NR1I2: variants seen among roughly 807,000 people sequenced by gnomAD.
NR1I2 encodes orphan nuclear receptor PAR1.
A neutral mutation model predicts 43.3 loss-of-function variants in NR1I2; 42 were observed. The ratio of observed to expected loss-of-function variants is 0.97; its 90% CI spans 0.76 to 1.26. The LOEUF (loss-of-function observed/expected upper bound fraction) is 1.26. Among genes scored for constraint, NR1I2 ranks in the 50% most tolerant of loss-of-function variants. The pLI is 0.00. For synonymous variants in NR1I2, 229 were observed against 215.0 expected, an observed-to-expected ratio of 1.06 and a Z score of -0.57; for missense variants, 559 against 566.7, an observed-to-expected ratio of 0.99 and a Z score of 0.14.
In NR1I2 at chr3:119,810,134, C is replaced by A. The variant is rs150019952; in HGVS notation, c.271C>A (p.Arg91=). The change falls in exon 3 of 9, where the codon CGG becomes AGG. Residue 91 remains arginine (R), a synonymous_variant. Transcript: ENST00000393716. ...CGCCTGCGAGATCACCCGGAAGACC[C>A]GGCGACAGTGCCAGGCCTGCCGCCT... 1.6e-4 allele frequency: 252 copies of A among 1,613,354 alleles called. No homozygotes were observed. The Middle Eastern group carries it at 1.8e-3, about 12-fold the overall frequency.
chr3:119,788,888 CT>C (rs2054881100), intron 1 of NR1I2, among the ~76,000 whole-genome samples: 1 of 152,156 alleles, frequency 6.6e-6, no homozygotes, highest in African/African-American at 2.4e-5. Context: ...AATTTTCTGT[CT>C]GGTTAGTTGG....
chr3:119,791,884 T>C, intron 1 of NR1I2: 4 of 608,412 alleles, frequency 6.6e-6, no homozygotes, highest in Non-Finnish European at 1.3e-5. Context: ...GCAGAAGGCA[T>C]GGTGAACTCT....
chr3:119,802,892 G>A (rs146168712), intron 1 of NR1I2: 487 of 456,664 alleles, frequency 1.1e-3, no homozygotes, highest in African/African-American at 9.0e-3. Context: ...GAATAAATGA[G>A]TGCCATGTTC....
intron 1 of NR1I2, among the ~76,000 whole-genome samples, chr3:119,787,657 A>ATGTG (rs3030846): frequency 4.0e-4 from 52 of 128,512 alleles, no homozygotes; most frequent in African/African-American, 1.3e-3. Flanking sequence ...TGCTATTAAT[A>ATGTG]TGTGTGTGTG....
chr3:119,805,717 C>CCCCCCAA (rs561350711), intron 1 of NR1I2, among the ~76,000 whole-genome samples: 3 of 96,622 alleles, frequency 3.1e-5, no homozygotes, highest in African/African-American at 7.8e-5. Flanking sequence ...TCCCCCCCAC[C>CCCCCCAA]AAAAAAAAAA....
chr3:119,811,072 A>G lies in NR1I2; in HGVS notation c.332-467A>G, dbSNP rs144075727. On this transcript the variant is annotated intron_variant, in intron 3 of 8. Transcript: ENST00000393716. The stretch of plus-strand genomic sequence containing the variant: ...TAATTGTAGATGCCATTTACTGAAC[A>G]TCTCTTATGTACCAGGAACTATATT... 227 of 157,204 alleles carry G rather than the reference A, an allele frequency of 1.4e-3. 2 individuals are homozygous for G. Among genetic ancestry groups the G allele is most frequent in the African/African-American group, 4.3e-3 (179 of 41,610 alleles). The allele number at this position is 157,204 out of a possible 1,614,324, so 9.7% of individuals were successfully genotyped here. A position where few individuals can be genotyped will look rare whatever the true frequency, so the allele number is the denominator to read the frequency against.
rs1323369621 is a variant in NR1I2 at position 119,814,990 on chromosome 3, T to A, written c.806T>A (p.Ile269Asn). The A allele has an allele frequency of 1.2e-6, 2 of 1,614,000 alleles. No homozygotes were observed. The highest frequency in any genetic ancestry group is 1.3e-5 in the African/African-American group (1 of 74,892). ...ATCCTTGCTGCCAGGGACTTGCCCA[T>A]CGAGGACCAGATCTCCCTGCTGAAG... Residue 269 changes from isoleucine (I) to asparagine (N), a missense_variant, in exon 6 of 9, where the codon ATC becomes AAC. Coordinates refer to ENST00000393716, the MANE Select transcript of NR1I2 (RefSeq NM_003889.4).
At chr3:119,796,518 T>C (rs2055001656) in intron 1 of NR1I2, among the ~76,000 whole-genome samples, 2 of 152,222 alleles carry the variant, frequency 1.3e-5, no homozygotes, top group South Asian at 4.1e-4. Context: ...CTCTCCCCTT[T>C]TCCCTTCCCT....
At chr3:119,812,632 T>A in intron 4 of NR1I2, 54 bp from the exon 5 acceptor site, 4 of 1,608,996 alleles carry the variant, frequency 2.5e-6, no homozygotes, top group Non-Finnish European at 3.4e-6. Flanking sequence ...TTGGGACCTG[T>A]CTATGAAAGC....
rs1491183530 is a variant in NR1I2, at chr3:119,805,715, ACC to A, written c.-22-1513_-22-1512del. 3.4e-4 allele frequency among the ~76,000 whole-genome samples: 29 copies of A among 86,086 alleles called. 7 individuals carry two copies. The highest frequency in any genetic ancestry group is 1.4e-3 in the South Asian group (3 of 2,166). The allele number at this position is 86,086 out of a possible 152,430, so 56.5% of individuals were successfully genotyped here. A position where few individuals can be genotyped will look rare whatever the true frequency, so the allele number is the denominator to read the frequency against. On this transcript the variant is annotated intron_variant, in intron 1 of 8. Transcript: ENST00000393716. ...AAGACTTGGTCCCCCCCTCCCCCCC[ACC>A]AAAAAAAAAAGAAAAGAAAAGAAAA...
In NR1I2 at chr3:119,802,764, G is replaced by A. The variant is rs566393360; in HGVS notation, c.-22-4465G>A. ...GGTTATGTAAAGTCCCTGGGTTTTT[G>A]TCATAAGAGTGACTTCCAAGTTATT... is the stretch of plus-strand genomic sequence containing the variant. On this transcript the variant is annotated intron_variant, in intron 1 of 8. Coordinates refer to ENST00000393716, the MANE Select transcript of NR1I2 (RefSeq NM_003889.4). Among the ~76,000 whole-genome samples, 197 of 152,136 alleles carry A rather than the reference G, an allele frequency of 1.3e-3. 2 individuals carry two copies. The highest frequency in any genetic ancestry group is 1.0e-3 in the Non-Finnish European group (70 of 68,024).
At chr3:119,789,451 G>A (rs1018133786) in intron 1 of NR1I2, among the ~76,000 whole-genome samples, 7 of 152,126 alleles carry the variant, frequency 4.6e-5, no homozygotes, top group East Asian at 3.9e-4. Context: ...AGAACCAAGC[G>A]AAAGGGGTTT....
chr3:119,796,954 C>T (rs1293029489), intron 1 of NR1I2, among the ~76,000 whole-genome samples: 1 of 152,204 alleles, frequency 6.6e-6, no homozygotes, highest in Non-Finnish European at 1.5e-5. Context: ...GTGGCAAGGG[C>T]TAGGACATGG....
At position 119,815,396 on chromosome 3, in the gene NR1I2, G is replaced by A. The variant is rs750677170; in HGVS notation, c.1011G>A (p.Glu337=). Reference sequence around the variant, plus strand: ...TGCTGAAGAAGCTGCAGCTGCATGAGGAGGAGTATGTGCTGATGCAGGCCA... The same window carrying A: ...TGCTGAAGAAGCTGCAGCTGCATGAAGAGGAGTATGTGCTGATGCAGGCCA... Residue 337 remains glutamate (E), a synonymous_variant, in exon 7 of 9, where the codon GAG becomes GAA. Coordinates refer to ENST00000393716, the MANE Select transcript of NR1I2 (RefSeq NM_003889.4). The A allele has an allele frequency of 1.2e-6, 2 of 1,613,488 alleles. No individual in the cohort carries two copies. The highest frequency in any genetic ancestry group is 1.7e-6 in the Non-Finnish European group (2 of 1,179,996).
chr3:119,789,403 C>A (rs760299776), intron 1 of NR1I2, among the ~76,000 whole-genome samples: 1 of 152,118 alleles, frequency 6.6e-6, no homozygotes, highest in Admixed American at 6.6e-5. Flanking sequence ...GGAAGGCAAA[C>A]GGCATGTCTT....
Position 119,797,257 on chromosome 3 carries a change from A to G in NR1I2, c.-22-9972A>G, listed in dbSNP as rs1268602965. 5.3e-5 allele frequency among the ~76,000 whole-genome samples: 8 copies of G among 149,566 alleles called. No individual in the cohort carries two copies. The South Asian group carries it at 8.4e-4, about 16-fold the overall frequency. On this transcript the variant is annotated intron_variant, in intron 1 of 8. Coordinates refer to ENST00000393716, the MANE Select transcript of NR1I2 (RefSeq NM_003889.4). ...TATGAAGTCCTAATGCTCCTCCATT[A>G]CCCCCAAACAAACACAGGGGATCTT...
At chr3:119,797,183 GAT>G (rs2055011900) in intron 1 of NR1I2, among the ~76,000 whole-genome samples, 1 of 30,080 alleles carries the variant, frequency 3.3e-5, no homozygotes, top group African/African-American at 1.0e-4. Context: ...ACTGCACAAA[GAT>G]ATGTGTGTGT....
At chr3:119,816,431 G>T (rs1193944129) in intron 8 of NR1I2, among the ~76,000 whole-genome samples, 1 of 152,034 alleles carries the variant, frequency 6.6e-6, no homozygotes, top group African/African-American at 2.4e-5. Context: ...CTCAGTCCTG[G>T]CCCCTGGACA....
intron 1 of NR1I2, among the ~76,000 whole-genome samples, chr3:119,796,272 G>T (rs188931900): frequency 8.5e-5 from 13 of 152,272 alleles, no homozygotes; most frequent in Non-Finnish European, 4.4e-5. Flanking sequence ...CAGGTCCCTG[G>T]AATTGAAGCA....
Sources: gnomAD v4.1 joint callset for allele counts (sites outside exome capture counted in the v4.1 genomes callset) on GRCh38, gnomAD v4.1.1 for gene constraint, MANE v1.5 for transcripts, NCBI Gene and HGNC (gene_info 2026-07-23, HGNC 2026-07-21) for gene names.